Variants in UNC13C observed in about 807,000 individuals in gnomAD.
The protein encoded by UNC13C is protein unc-13 homolog C.
Under a neutral mutation model 245.4 loss-of-function variants are expected in UNC13C, and 174 were observed. The ratio of observed to expected loss-of-function variants is 0.71; its 90% CI spans 0.63 to 0.80. The LOEUF (loss-of-function observed/expected upper bound fraction) is 0.80. Among genes scored for constraint, UNC13C ranks in the 30% least tolerant of loss-of-function variants. UNC13C has a pLI of 0.00. For synonymous variants in UNC13C, 992 were observed against 895.1 expected (o/e 1.11, Z -1.93); for missense variants, 2,829 against 2,602.9 (o/e 1.09, Z -1.89).
At chr15:54,594,410 TC>T (rs112550698) in intron 30 of UNC13C, among the ~76,000 whole-genome samples, 11,283 of 152,058 alleles carry the variant, frequency 0.074, 567 homozygotes, top group South Asian at 0.13. Flanking sequence ...CCCTTTGGCT[TC>T]CTGCTACCAG....
At chr15:53,878,796 C>T in the UNC13C span, among the ~76,000 whole-genome samples, 2 of 152,156 alleles carry the variant, frequency 1.3e-5, no homozygotes, top group Non-Finnish European at 2.9e-5. Flanking sequence ...TGTCTTATTG[C>T]ATTGATAGAG....
At chr15:54,562,555 T>G (rs1474241921) in intron 29 of UNC13C, among the ~76,000 whole-genome samples, 2 of 151,974 alleles carry the variant, frequency 1.3e-5, no homozygotes, top group Non-Finnish European at 2.9e-5. Context: ...AACTTACAAG[T>G]GGAAGTTTTG....
At chr15:54,298,976 A>T (rs1309679862) in intron 12 of UNC13C, among the ~76,000 whole-genome samples, 1 of 152,124 alleles carries the variant, frequency 6.6e-6, no homozygotes, top group Non-Finnish European at 1.5e-5. Context: ...CCGTGTTTAA[A>T]TCGTGTGTAT....
At chr15:54,539,291 A>G (rs2141163547) in intron 26 of UNC13C, among the ~76,000 whole-genome samples, 1 of 152,112 alleles carries the variant, frequency 6.6e-6, no homozygotes, top group African/African-American at 2.4e-5. Flanking sequence ...CTGTGGGGAA[A>G]TATCTAGAAG....
intron 18 of UNC13C, among the ~76,000 whole-genome samples, chr15:54,402,182 A>T (rs2040202026): frequency 6.6e-6 from 1 of 152,160 alleles, no homozygotes; most frequent in Non-Finnish European, 1.5e-5. Flanking sequence ...TAGGTAGCGA[A>T]AAAACCCACA....
chr15:53,933,032 A>G, the UNC13C span, among the ~76,000 whole-genome samples: 1 of 152,170 alleles, frequency 6.6e-6, no homozygotes, highest in African/African-American at 2.4e-5. Flanking sequence ...CCCTCTTCTC[A>G]CTTTGATTTC....
chr15:54,333,786 A>G lies in UNC13C; in HGVS notation c.4514A>G (p.Asn1505Ser). The G allele has an allele frequency of 6.2e-7, 1 of 1,605,126 alleles. No individual in the cohort carries two copies. The part of the protein sequence containing the change: ...SKYRENFPAS[N>S]TERLQDLKST... The stretch of plus-strand genomic sequence containing the variant: ...AACCAGGAAAACTTTCCTGCAAGCA[A>G]TACTGAAAGACTGCAAGACCTGAAA... The change falls in exon 16 of 33, where the codon AAT becomes AGT. Residue 1505 changes from asparagine to serine, a missense_variant. Transcript: ENST00000260323.
At chr15:54,226,166 T>C (rs2035375649) in intron 4 of UNC13C, among the ~76,000 whole-genome samples, 1 of 152,210 alleles carries the variant, frequency 6.6e-6, no homozygotes, top group Non-Finnish European at 1.5e-5. Context: ...AAGTTGATTG[T>C]CATGGGTAAG....
intron 19 of UNC13C, among the ~76,000 whole-genome samples, chr15:54,474,646 C>T (rs1375701308): frequency 6.6e-6 from 1 of 152,016 alleles, no homozygotes; most frequent in African/African-American, 2.4e-5. Flanking sequence ...TATCTCTTCA[C>T]TCTGTTGATT....
At chr15:54,059,536 T>C (rs1897706000) in intron 2 of UNC13C, among the ~76,000 whole-genome samples, 1 of 152,220 alleles carries the variant, frequency 6.6e-6, no homozygotes, top group Non-Finnish European at 1.5e-5. Flanking sequence ...ATGGCCATAC[T>C]GTCCAAGGTA....
At chr15:54,125,409 A>C (rs776036495) in intron 2 of UNC13C, among the ~76,000 whole-genome samples, 1 of 152,088 alleles carries the variant, frequency 6.6e-6, no homozygotes, top group Non-Finnish European at 1.5e-5. Context: ...GTTGCGGTGA[A>C]CTGAGACTGC....
intron 4 of UNC13C, among the ~76,000 whole-genome samples, chr15:54,177,284 T>C (rs1250677770): frequency 2.0e-5 from 3 of 152,144 alleles, no homozygotes; most frequent in Admixed American, 6.5e-5. Flanking sequence ...AGGTACTGTA[T>C]GTATAGACTG....
chr15:54,007,902 T>G (rs1289973590), intron 1 of UNC13C, among the ~76,000 whole-genome samples: 1 of 152,180 alleles, frequency 6.6e-6, no homozygotes, highest in Admixed American at 6.5e-5. Flanking sequence ...GGCTGTACCA[T>G]AAGAGGTCCT....
intron 2 of UNC13C, 128 bp downstream of exon 2, chr15:54,016,014 T>C (rs376996075): frequency 2.5e-6 from 2 of 810,400 alleles, no homozygotes. Flanking sequence ...TGCTTTACTC[T>C]GAGGAGCATT....
chr15:53,942,772 C>T, the UNC13C span, among the ~76,000 whole-genome samples: 1 of 152,104 alleles, frequency 6.6e-6, no homozygotes, highest in African/African-American at 2.4e-5. Context: ...AAGCAACTCT[C>T]GTGCCTCAGT....
At chr15:54,140,305 C>T (rs2031952880) in intron 2 of UNC13C, among the ~76,000 whole-genome samples, 1 of 151,970 alleles carries the variant, frequency 6.6e-6, no homozygotes, top group African/African-American at 2.4e-5. Flanking sequence ...TTTAGCTATT[C>T]CATGAAGTGG....
At chr15:54,475,380 A>T (rs1210096503) in intron 19 of UNC13C, among the ~76,000 whole-genome samples, 1 of 151,528 alleles carries the variant, frequency 6.6e-6, no homozygotes, top group East Asian at 1.9e-4. Flanking sequence ...ATATGTACAC[A>T]TGTGCCATGC....
chr15:54,251,139 A>G (rs1405122668), intron 8 of UNC13C, among the ~76,000 whole-genome samples: 1 of 152,134 alleles, frequency 6.6e-6, no homozygotes, highest in Non-Finnish European at 1.5e-5. Context: ...CCAAACAGGG[A>G]TCAAGATATG....
intron 2 of UNC13C, among the ~76,000 whole-genome samples, chr15:54,036,336 G>A (rs941273675): frequency 2.0e-5 from 3 of 152,168 alleles, no homozygotes; most frequent in African/African-American, 7.2e-5. Flanking sequence ...GCCCAGGGCA[G>A]CCCACAACAA....
Sources: allele counts gnomAD v4.1 joint callset (sites outside exome capture counted in the v4.1 genomes callset), GRCh38; gene constraint gnomAD v4.1.1; transcripts MANE v1.5; gene names NCBI Gene and HGNC (gene_info 2026-07-23, HGNC 2026-07-21).